ARHGAP6: variants seen among roughly 807,000 people sequenced by gnomAD.
ARHGAP6 encodes rho GTPase-activating protein 6.
ARHGAP6 carries 16 observed loss-of-function variants against 55.7 expected under a neutral mutation model. The ratio of observed to expected loss-of-function variants is 0.29; its 90% CI spans 0.19 to 0.44. The LOEUF (loss-of-function observed/expected upper bound fraction) is 0.44, where lower values mean the gene tolerates loss of function less well. ARHGAP6 is among the 20% of genes least tolerant of loss of function. The pLI, the probability that ARHGAP6 is intolerant of heterozygous loss-of-function variation, is 1.00. For missense variants in ARHGAP6, 698 were observed against 808.9 expected (o/e 0.86, Z 1.66); for synonymous variants, 382 against 360.9 (o/e 1.06, Z -0.66).
intron 1 of ARHGAP6, among the ~76,000 whole-genome samples, chrX:11,614,494 C>A (rs2052140135): frequency 9.0e-6 from 1 of 111,284 alleles, no homozygotes; most frequent in Non-Finnish European, 1.9e-5. Flanking sequence ...ACAACCAGAT[C>A]TCATGAGAAC....
intron 1 of ARHGAP6, among the ~76,000 whole-genome samples, chrX:11,339,283 C>G (rs1402149397): frequency 8.9e-6 from 1 of 111,853 alleles, no homozygotes; most frequent in Non-Finnish European, 1.9e-5. Context: ...TTCTACCACA[C>G]CGACTTTTAT....
intron 2 of ARHGAP6, among the ~76,000 whole-genome samples, chrX:11,237,507 C>T (rs1019617989): frequency 2.7e-5 from 3 of 112,198 alleles, no homozygotes; most frequent in Non-Finnish European, 5.6e-5. Flanking sequence ...GCAGCATAGG[C>T]ACCCAACCCT....
chrX:11,458,934 T>C (rs2050218575), intron 1 of ARHGAP6, among the ~76,000 whole-genome samples: 1 of 108,004 alleles, frequency 9.3e-6, no homozygotes, highest in Non-Finnish European at 1.9e-5. Flanking sequence ...AAAGAGGAGG[T>C]GGGATGGGGT....
rs377616898 is a variant in ARHGAP6 at position 11,573,693 on chromosome X, T to C, written c.588+90548A>G. 2.6e-4 allele frequency among the ~76,000 whole-genome samples: 29 copies of C among 110,606 alleles called. No homozygotes were observed. In the East Asian group the frequency reaches 7.1e-3, roughly 27 times the overall value. ...GGCTCTTTTTTGGTTCCATATGAAC[T>C]TTAAAGTAGTTTTTTCCAATTCTGT... On this transcript the variant is annotated intron_variant, in intron 1 of 12. Coordinates refer to ENST00000337414, the MANE Select transcript of ARHGAP6 (RefSeq NM_013427.3).
At chrX:11,267,515 A>C (rs1013801663) in intron 1 of ARHGAP6, among the ~76,000 whole-genome samples, 1 of 112,350 alleles carries the variant, frequency 8.9e-6, no homozygotes, top group South Asian at 3.7e-4. Flanking sequence ...TGGAAGACAA[A>C]ACCACAGTTC....
intron 9 of ARHGAP6, among the ~76,000 whole-genome samples, chrX:11,157,106 T>G (rs924494627): frequency 1.8e-5 from 2 of 111,823 alleles, no homozygotes; most frequent in Non-Finnish European, 3.8e-5. Flanking sequence ...ACTGCTTGGG[T>G]TTGAATCTTA....
At chrX:11,179,647 G>A (rs1285058696) in intron 6 of ARHGAP6, among the ~76,000 whole-genome samples, 195 bp from the exon 7 acceptor site, 3 of 106,318 alleles carry the variant, frequency 2.8e-5, no homozygotes, top group Non-Finnish European at 5.8e-5. Flanking sequence ...GTGTGTGTGT[G>A]TATACATATA....
At chrX:11,467,988 GAATGAATA>G (rs60940403) in intron 1 of ARHGAP6, among the ~76,000 whole-genome samples, 14,703 of 81,909 alleles carry the variant, frequency 0.18, 1,178 homozygotes, top group Middle Eastern at 0.27. Flanking sequence ...TTAAATGAAT[GAATGAATA>G]AATAAATAAA....
At chrX:11,203,841 AG>A (rs2046668071) in intron 2 of ARHGAP6, among the ~76,000 whole-genome samples, 1 of 111,850 alleles carries the variant, frequency 8.9e-6, no homozygotes, top group African/African-American at 3.2e-5. Flanking sequence ...CAAGTCCTTC[AG>A]CCTACATCTA....
chrX:11,212,350 C>G (rs757406145), intron 2 of ARHGAP6, among the ~76,000 whole-genome samples: 1 of 112,038 alleles, frequency 8.9e-6, no homozygotes, highest in Non-Finnish European at 1.9e-5. Context: ...TTCAGGAACT[C>G]TGCAGCCTAT....
At chrX:11,176,985 T>C (rs1268694511) in intron 8 of ARHGAP6, among the ~76,000 whole-genome samples, 1 of 112,229 alleles carries the variant, frequency 8.9e-6, no homozygotes, top group Non-Finnish European at 1.9e-5. Context: ...ACCACGTTCT[T>C]TGGGAAAGAA....
At chrX:11,657,181 A>G (rs747462164) in intron 1 of ARHGAP6, among the ~76,000 whole-genome samples, 1 of 110,892 alleles carries the variant, frequency 9.0e-6, no homozygotes, top group Non-Finnish European at 1.9e-5. Context: ...AGACCCATCA[A>G]AGGTTTTCAA....
At chrX:11,384,321 T>C (rs1044228860) in intron 1 of ARHGAP6, among the ~76,000 whole-genome samples, 1 of 112,192 alleles carries the variant, frequency 8.9e-6, no homozygotes, top group African/African-American at 3.2e-5. Context: ...ACTTTGTTGT[T>C]ACCAAGAAGC....
At chrX:11,595,130 G>A (rs975141167) in intron 1 of ARHGAP6, among the ~76,000 whole-genome samples, 56 of 110,280 alleles carry the variant, frequency 5.1e-4, no homozygotes, top group Middle Eastern at 4.7e-3. Context: ...CTCTACCAAA[G>A]GTACAAAAAA....
chrX:11,624,744 G>A (rs1248150406), intron 1 of ARHGAP6, among the ~76,000 whole-genome samples: 11 of 110,907 alleles, frequency 9.9e-5, no homozygotes, highest in Non-Finnish European at 2.1e-4. Context: ...GTAGAGACGG[G>A]GTTTCACCGC....
At chrX:11,428,599 G>T (rs2049913251) in intron 1 of ARHGAP6, among the ~76,000 whole-genome samples, 1 of 111,712 alleles carries the variant, frequency 9.0e-6, no homozygotes, top group Admixed American at 9.4e-5. Flanking sequence ...GCCCCAGAGG[G>T]GTGGCTACAA....
chrX:11,188,600 T>C (rs2046415484), intron 4 of ARHGAP6, 128 bp downstream of exon 4: 1 of 970,552 alleles, frequency 1.0e-6, no homozygotes. Flanking sequence ...TCTTCATTAA[T>C]GGCATTGTTG....
chrX:11,306,851 G>A (rs376698720), intron 1 of ARHGAP6, among the ~76,000 whole-genome samples: 1 of 112,007 alleles, frequency 8.9e-6, no homozygotes, highest in African/African-American at 3.3e-5. Context: ...TCAAAATGAA[G>A]AATCCCTAAC....
At chrX:11,445,239 A>G (rs1015508040) in intron 1 of ARHGAP6, among the ~76,000 whole-genome samples, 1 of 112,094 alleles carries the variant, frequency 8.9e-6, no homozygotes, top group African/African-American at 3.2e-5. Context: ...TGTGGTCCAT[A>G]TGGGCATGAA....
Sources: gnomAD v4.1 joint callset for allele counts (sites outside exome capture counted in the v4.1 genomes callset) on GRCh38, gnomAD v4.1.1 for gene constraint, MANE v1.5 for transcripts, NCBI Gene and HGNC (gene_info 2026-07-23, HGNC 2026-07-21) for gene names.